Variants in FRAS1 observed in about 807,000 individuals in gnomAD.
FRAS1 encodes the protein extracellular matrix organizing protein FRAS1.
FRAS1 carries 290 observed loss-of-function variants against 435.2 expected under a neutral mutation model. The ratio of observed to expected loss-of-function variants is 0.67; its 90% CI spans 0.61 to 0.73. The LOEUF (loss-of-function observed/expected upper bound fraction) is 0.73. Ranked by LOEUF, FRAS1 falls within the 30% of genes least tolerant of loss-of-function variation. FRAS1 has a pLI of 0.00. For missense variants in FRAS1, 4,860 were observed against 5,001.5 expected (o/e 0.97, Z 0.85); for synonymous variants, 1,800 against 1,851.0 (o/e 0.97, Z 0.71).
chr4:78,250,284 A>G lies in FRAS1; in HGVS notation c.310-2108A>G, dbSNP rs188953871. ...GTGGAGGGGTTGGCAGTGGAGATAG[A>G]TAATACATACAGATCTATGTTTTAA... On this transcript the variant is annotated intron_variant, in intron 4 of 73. Transcript: ENST00000512123. Among the ~76,000 whole-genome samples the G allele has an allele frequency of 4.7e-4, 71 of 152,302 alleles. 2 individuals are homozygous for G. In the South Asian group the frequency reaches 7.9e-3, roughly 17 times the overall value.
chr4:78,408,725 G>A (rs566197771), intron 31 of FRAS1, among the ~76,000 whole-genome samples: 2 of 152,300 alleles, frequency 1.3e-5, no homozygotes, highest in East Asian at 3.9e-4. Flanking sequence ...TTCGAATACT[G>A]CATATCAGAT....
At chr4:78,094,340 C>T (rs950318912) in intron 2 of FRAS1, among the ~76,000 whole-genome samples, 18 of 151,936 alleles carry the variant, frequency 1.2e-4, no homozygotes, top group Non-Finnish European at 2.5e-4. Flanking sequence ...GCATAGCTTT[C>T]CCCTGAGGCA....
chr4:78,273,010 C>A (rs1474017087), intron 9 of FRAS1, among the ~76,000 whole-genome samples: 1 of 152,138 alleles, frequency 6.6e-6, no homozygotes, highest in Non-Finnish European at 1.5e-5. Context: ...TTGTAGTTCT[C>A]CTTGAAGAGG....
Position 78,464,566 on chromosome 4 carries a change from G to C in FRAS1, c.7012G>C (p.Val2338Leu). Residue 2338 changes from valine to leucine, a missense_variant, in exon 49 of 74, where the codon GTG (valine) becomes CTG (leucine). By Grantham distance (32) the Val-to-Leu change is conservative (BLOSUM62 1). Transcript: ENST00000512123. ...KTITEFELKA[V>L]DADTEAESVT... ...CATCACAGAGTTTGAGCTTAAGGCG[G>C]TGGATGCTGACACAGAGGTAAGAGC... 1 of 1,613,828 alleles carries C rather than the reference G, an allele frequency of 6.2e-7. No homozygotes were observed. The highest frequency in any genetic ancestry group is 8.5e-7 in the Non-Finnish European group (1 of 1,179,798).
At chr4:78,333,122 AGT>A in intron 18 of FRAS1, 148 bp from the exon 19 acceptor site, 1 of 760,846 alleles carries the variant, frequency 1.3e-6, no homozygotes, top group Non-Finnish European at 1.9e-6. Flanking sequence ...TTTAGAGGGA[AGT>A]GTGTGAGATG....
chr4:78,171,917 T>C (rs1388206729), intron 2 of FRAS1, among the ~76,000 whole-genome samples: 1 of 152,160 alleles, frequency 6.6e-6, no homozygotes, highest in Non-Finnish European at 1.5e-5. Flanking sequence ...TAGCTGTATC[T>C]ACACTTACCC....
chr4:78,448,684 A>G (rs1718930756), intron 44 of FRAS1, among the ~76,000 whole-genome samples: 1 of 152,178 alleles, frequency 6.6e-6, no homozygotes, highest in Non-Finnish European at 1.5e-5. Context: ...AACGAAATAT[A>G]GCAGAATTTT....
chr4:78,538,739 G>A (rs1721959724), intron 72 of FRAS1, among the ~76,000 whole-genome samples: 1 of 152,130 alleles, frequency 6.6e-6, no homozygotes, highest in African/African-American at 2.4e-5. Flanking sequence ...CGGATCACGA[G>A]GTCAGGAGAT....
intron 35 of FRAS1, among the ~76,000 whole-genome samples, chr4:78,425,378 A>G (rs370771089): frequency 1.4e-4 from 22 of 152,272 alleles, no homozygotes; most frequent in African/African-American, 5.1e-4. Flanking sequence ...CAGACCTGGT[A>G]TCTATGCTGG....
chr4:78,181,340 T>G, intron 2 of FRAS1: 2 of 1,611,176 alleles, frequency 1.2e-6, no homozygotes, highest in Non-Finnish European at 1.7e-6. Flanking sequence ...CACATTTGAT[T>G]GATCCAAGTC....
intron 2 of FRAS1, among the ~76,000 whole-genome samples, chr4:78,141,136 G>C (rs560525046): frequency 6.6e-6 from 1 of 152,180 alleles, no homozygotes; most frequent in African/African-American, 2.4e-5. Flanking sequence ...ATGGTGGTTT[G>C]CTGCACCCAT....
At chr4:78,346,632 A>G (rs1194982831) in intron 20 of FRAS1, among the ~76,000 whole-genome samples, 3 of 151,988 alleles carry the variant, frequency 2.0e-5, no homozygotes, top group African/African-American at 4.8e-5. Context: ...CACTCCCTAC[A>G]CACTCTCTTC....
Position 78,473,462 on chromosome 4 carries a change from G to A in FRAS1, c.7547G>A (p.Arg2516His), listed in dbSNP as rs369129011. Residue 2516 changes from arginine to histidine, a missense_variant, in exon 53 of 74, where the codon CGT (arginine) becomes CAT (histidine). Coordinates refer to ENST00000512123, the MANE Select transcript of FRAS1 (RefSeq NM_025074.7). ...GAGGATGTGAACTTGGGGTTGATTC[G>A]TTATGTGTTGCACAAGGAGAAGATC... Reference protein sequence around the residue: ...TQEDVNLGLIRYVLHKEKIRE... With the variant: ...TQEDVNLGLIHYVLHKEKIRE... 23 of 1,613,030 alleles carry A rather than the reference G, an allele frequency of 1.4e-5. No homozygotes were observed. Among genetic ancestry groups the A allele is most frequent in the Middle Eastern group, 1.6e-4 (1 of 6,080 alleles).
At chr4:78,237,416 A>T in intron 2 of FRAS1, 94 bp from the exon 3 acceptor site, 1 of 821,656 alleles carries the variant, frequency 1.2e-6, no homozygotes, top group Non-Finnish European at 2.0e-6. Flanking sequence ...TTGTCTTGTA[A>T]TTGTCCAGGA....
intron 2 of FRAS1, among the ~76,000 whole-genome samples, chr4:78,194,568 G>A (rs908549961): frequency 4.6e-5 from 7 of 152,038 alleles, no homozygotes; most frequent in East Asian, 1.9e-4. Context: ...TCGAATTGGC[G>A]ACTGAGGCTT....
intron 2 of FRAS1, among the ~76,000 whole-genome samples, chr4:78,186,771 C>T (rs145030489): frequency 3.3e-5 from 5 of 152,256 alleles, no homozygotes; most frequent in East Asian, 1.9e-4. Context: ...GGGAGTTTCC[C>T]GGGGTAAAAA....
intron 18 of FRAS1, among the ~76,000 whole-genome samples, chr4:78,327,489 A>G (rs190276468): frequency 5.3e-5 from 8 of 152,360 alleles, no homozygotes; most frequent in Non-Finnish European, 8.8e-5. Flanking sequence ...CATGGAAAAT[A>G]GAATGAATAA....
At chr4:78,242,194 A>C (rs1725030304) in intron 3 of FRAS1, among the ~76,000 whole-genome samples, 1 of 152,224 alleles carries the variant, frequency 6.6e-6, no homozygotes, top group Admixed American at 6.5e-5. Flanking sequence ...AGACTTCCTC[A>C]GTCTGTAAAT....
At chr4:78,236,767 G>A (rs995794175) in intron 2 of FRAS1, among the ~76,000 whole-genome samples, 3 of 152,216 alleles carry the variant, frequency 2.0e-5, no homozygotes, top group Non-Finnish European at 4.4e-5. Context: ...CCTTAACTGA[G>A]CCAGGGTTCA....
Sources: gnomAD v4.1 joint callset for allele counts (sites outside exome capture counted in the v4.1 genomes callset) on GRCh38, gnomAD v4.1.1 for gene constraint, MANE v1.5 for transcripts, NCBI Gene and HGNC (gene_info 2026-07-23, HGNC 2026-07-21) for gene names.